The following DOT1L variants were observed in gnomAD, a reference collection of about 807,000 sequenced individuals.
DOT1L encodes the protein DOT1 like histone lysine methyltransferase, also known as histone-lysine N-methyltransferase, H3 lysine-79 specific.
In DOT1L, 33 loss-of-function variants were observed where a neutral mutation model predicts 153.3. That is an observed-to-expected ratio of 0.22 (90% confidence interval 0.16 to 0.29). The LOEUF is 0.29. Among genes scored for constraint, DOT1L ranks in the 10% least tolerant of loss-of-function variants. The probability of loss-of-function intolerance (pLI) is 1.00; values close to 1 mark genes in which losing one functional copy is unlikely to be tolerated. For missense variants in DOT1L, 1,847 were observed against 2,119.9 expected, an observed-to-expected ratio of 0.87 and a Z score of 2.53; for synonymous variants, 1,135 against 965.1, an observed-to-expected ratio of 1.18 and a Z score of -3.26.
In DOT1L at chr19:2,191,152, G is replaced by A. The variant is rs2022777165; in HGVS notation, c.405G>A (p.Val135=). The A allele has an allele frequency of 6.2e-7, 1 of 1,613,772 alleles. No individual in the cohort carries two copies. Among genetic ancestry groups the A allele is most frequent in the South Asian group, 1.1e-5 (1 of 91,068 alleles). ...LNNYEPFSPE[V]YGETSFDLVA... ...ACTACGAGCCCTTCTCCCCCGAGGTGTACGGGGAGACCTCCTTCGACCTGG... is the reference window on the plus strand; with the variant it reads ...ACTACGAGCCCTTCTCCCCCGAGGTATACGGGGAGACCTCCTTCGACCTGG... Residue 135 remains valine (V), a synonymous_variant, in exon 5 of 28, where the codon GTG becomes GTA. Coordinates refer to ENST00000398665, the MANE Select transcript of DOT1L (RefSeq NM_032482.3). This position sits in a 1 kb window ranked among gnomAD's most constrained non-coding sequence, Gnocchi z 6.8.
intron 1 of DOT1L, 79 bp downstream of exon 1, chr19:2,164,344 A>G: frequency 9.8e-7 from 1 of 1,019,930 alleles, no homozygotes; most frequent in Non-Finnish European, 1.3e-6. Context: ...AACCCCCCCA[A>G]GCCGCGCTCA....
chr19:2,230,786 C>T lies in DOT1L; in HGVS notation c.*994C>T, dbSNP rs1420830722. 4 of 390,814 alleles carry T rather than the reference C, an allele frequency of 1.0e-5. No homozygotes were observed. Among genetic ancestry groups the T allele is most frequent in the East Asian group, 7.2e-5 (2 of 27,722 alleles). 24.2% of individuals were successfully genotyped at this position (390,814 alleles called of 1,614,324 possible). A position where few individuals can be genotyped will look rare whatever the true frequency, so the allele number is the denominator to read the frequency against. On this transcript the variant is annotated 3_prime_UTR_variant, in exon 28 of 28. Transcript: ENST00000398665. The stretch of plus-strand genomic sequence containing the variant: ...TTATTCAAACAGTGCACAAAATGGC[C>T]CCAGCGTCAGCCCCGACCCTAGACC...
chr19:2,230,157 C>T lies in DOT1L; in HGVS notation c.*365C>T. On this transcript the variant is annotated 3_prime_UTR_variant, in exon 28 of 28. Transcript: ENST00000398665. ...GCCAGCGGATTCGCCACAGCCTGCC[C>T]CGGTGCTATCTCGTCCCCAGGCCCG... 2.0e-6 allele frequency: 1 copy of T among 507,146 alleles called. No individual in the cohort carries two copies. The highest frequency in any genetic ancestry group is 3.3e-5 in the East Asian group (1 of 30,376). The allele number at this position is 507,146 out of a possible 1,614,324, so 31.4% of individuals were successfully genotyped here. A position where few individuals can be genotyped will look rare whatever the true frequency, so the allele number is the denominator to read the frequency against.
chr19:2,192,787 GGCT>G (rs1473306597), intron 5 of DOT1L, among the ~76,000 whole-genome samples: 67 of 152,314 alleles, frequency 4.4e-4, no homozygotes, highest in African/African-American at 1.5e-3. Flanking sequence ...AAGAGGTTGA[GGCT>G]GCAGTGAGCC....
In DOT1L at chr19:2,210,486, G is replaced by C; in HGVS notation, c.1092G>C (p.Val364=). The change falls in exon 13 of 28, where the codon GTG becomes GTC. Residue 364 remains valine, a synonymous_variant. Transcript: ENST00000398665. ...ATPTKGPEGK[V]AGPADAPMDS... is the part of the protein sequence containing the mutation. ...CCACTAAGGGCCCAGAGGGCAAGGT[G>C]GCCGGCCCCGCCGACGCCCCCATGG... 6.3e-7 allele frequency: 1 copy of C among 1,593,036 alleles called. No homozygotes were observed. Among genetic ancestry groups the C allele is most frequent in the Non-Finnish European group, 8.5e-7 (1 of 1,171,466 alleles).
At chr19:2,205,102 C>G (rs1286537340) in intron 9 of DOT1L, among the ~76,000 whole-genome samples, 2 of 152,052 alleles carry the variant, frequency 1.3e-5, no homozygotes, top group Non-Finnish European at 2.9e-5. Context: ...TCCCGAGTAG[C>G]TGGGACTACA....
chr19:2,205,895 C>T (rs1022948875), intron 9 of DOT1L, among the ~76,000 whole-genome samples: 3 of 151,956 alleles, frequency 2.0e-5, no homozygotes, highest in African/African-American at 4.8e-5. Context: ...GATGGGGTCT[C>T]CCTGTGTCCC....
intron 15 of DOT1L, 71 bp from the exon 16 acceptor site, chr19:2,211,680 G>T (rs1185680223): frequency 5.1e-6 from 7 of 1,371,638 alleles, no homozygotes; most frequent in Non-Finnish European, 7.0e-6. Context: ...TCGTTCTCAA[G>T]GGCTGCTCCC....
In DOT1L at chr19:2,197,122, G is replaced by A. The variant is rs960599999; in HGVS notation, c.651+2545G>A. Among the ~76,000 whole-genome samples, 2 of 152,082 alleles carry A rather than the reference G, an allele frequency of 1.3e-5. No homozygotes were observed. Among genetic ancestry groups the A allele is most frequent in the South Asian group, 2.1e-4 (1 of 4,826 alleles). On this transcript the variant is annotated intron_variant, in intron 7 of 27. Coordinates refer to ENST00000398665, the MANE Select transcript of DOT1L (RefSeq NM_032482.3). The surrounding 1 kb of genome is among the most constrained non-coding windows in gnomAD (Gnocchi z 4.1). ...GCCGTGGCCTGCGGTGCTTCCTTGC[G>A]GCCACGCCTGTCTGGTTTGGTCTCT...
At chr19:2,192,672 CAAAAAAAA>C (rs71176526) in intron 5 of DOT1L, among the ~76,000 whole-genome samples, 1 of 95,112 alleles carries the variant, frequency 1.1e-5, no homozygotes. Context: ...GACTCCGTCT[CAAAAAAAA>C]AAAAAAAAAA....
chr19:2,186,062 C>G (rs1053855324), intron 3 of DOT1L, 133 bp downstream of exon 3: 2 of 837,930 alleles, frequency 2.4e-6, no homozygotes, highest in Admixed American at 4.4e-5. Flanking sequence ...TAGAGTTGGC[C>G]GTGGCCACCA....
In DOT1L at chr19:2,210,824, C is replaced by G. The variant is rs545805803; in HGVS notation, c.1320C>G (p.Thr440=). The change falls in exon 14 of 28, where the codon ACC becomes ACG. Residue 440 remains threonine, a synonymous_variant. Transcript: ENST00000398665. ...QTALDALHAQ[T]VSQTAASSPQ... ...CACTGGATGCCCTGCACGCTCAGAC[C>G]GTGTCTCAGACGGCGGCCTCCTCAC... 1 of 1,612,780 alleles carries G rather than the reference C, an allele frequency of 6.2e-7. No individual in the cohort carries two copies. Among genetic ancestry groups the G allele is most frequent in the Non-Finnish European group, 8.5e-7 (1 of 1,179,976 alleles).
intron 1 of DOT1L, among the ~76,000 whole-genome samples, chr19:2,166,302 A>T (rs1012160051): frequency 6.8e-6 from 1 of 146,912 alleles, no homozygotes; most frequent in Admixed American, 6.8e-5. Context: ...CTCCATGTTC[A>T]TCAGGCTGCT....
rs376911478 is a variant in DOT1L at position 2,197,964 on chromosome 19, A to G, written c.652-1920A>G. ...TGGCTTTGCCTGTGCTCCACTTGGG[A>G]GGCTCCAAGTCCTCCCGCCTGAGCA... is the stretch of plus-strand genomic sequence containing the variant. On this transcript the variant is annotated intron_variant, in intron 7 of 27. Coordinates refer to ENST00000398665, the MANE Select transcript of DOT1L (RefSeq NM_032482.3). The surrounding 1 kb of genome is among the most constrained non-coding windows in gnomAD (Gnocchi z 4.1). Among the ~76,000 whole-genome samples the G allele has an allele frequency of 2.6e-5, 4 of 152,250 alleles. No individual in the cohort carries two copies. In the South Asian group the frequency reaches 6.2e-4, roughly 24 times the overall value.
rs754748120 is a variant in DOT1L, at chr19:2,199,852, G to A, written c.652-32G>A. The A allele has an allele frequency of 1.9e-6, 3 of 1,609,364 alleles. No individual in the cohort carries two copies. In the South Asian group the frequency reaches 3.3e-5, roughly 18 times the overall value. The stretch of plus-strand genomic sequence containing the variant: ...GGGCTGGGAGTGCCAGGGAGGCCGG[G>A]GGTCCGCGCTCACACCTGTTTTCCC... On this transcript the variant is annotated intron_variant, in intron 7 of 27. Coordinates refer to ENST00000398665, the MANE Select transcript of DOT1L (RefSeq NM_032482.3).
In DOT1L at chr19:2,220,056, G is replaced by A. The variant is rs1173970401; in HGVS notation, c.2692-52G>A. 1.6e-5 allele frequency: 25 copies of A among 1,520,570 alleles called. No individual in the cohort carries two copies. Among genetic ancestry groups the A allele is most frequent in the Non-Finnish European group, 2.1e-5 (24 of 1,116,918 alleles). The allele number at this position is 1,520,570 out of a possible 1,614,324, so 94.2% of individuals were successfully genotyped here. A position where few individuals can be genotyped will look rare whatever the true frequency, so the allele number is the denominator to read the frequency against. ...CACTCACTGTTTCCAGCTGGGTTCT[G>A]GGTCTCCTGGGGCACCTGCTGCCCC... On this transcript the variant is annotated intron_variant, in intron 22 of 27. Coordinates refer to ENST00000398665, the MANE Select transcript of DOT1L (RefSeq NM_032482.3). This position sits in a 1 kb window ranked among gnomAD's most constrained non-coding sequence, Gnocchi z 4.5.
intron 27 of DOT1L, chr19:2,229,415 G>A (rs1399275807): frequency 1.0e-6 from 1 of 985,494 alleles, no homozygotes; most frequent in Admixed American, 6.1e-5. Context: ...AGGAGCCAAG[G>A]CGGAGGCTGT....
intron 6 of DOT1L, 120 bp from the exon 7 acceptor site, chr19:2,194,395 T>C: frequency 9.6e-7 from 1 of 1,040,056 alleles, no homozygotes; most frequent in South Asian, 1.4e-5. Context: ...ATGGTCGCAA[T>C]CTCCTGACCT....
At position 2,210,339 on chromosome 19, in the gene DOT1L, G is replaced by A. The variant is rs982521081; in HGVS notation, c.1006-61G>A. ...TGAGTCTGAGCTCCGCGTGCCTCTC[G>A]GTGCAGGAGGGCCGTGGGCAGCGCT... On this transcript the variant is annotated intron_variant, in intron 12 of 27. Transcript: ENST00000398665. 2.1e-5 allele frequency: 30 copies of A among 1,396,666 alleles called. 1 individual carries two copies. The highest frequency in any genetic ancestry group is 4.4e-5 in the African/African-American group (3 of 68,750). The allele number at this position is 1,396,666 out of a possible 1,614,324, so 86.5% of individuals were successfully genotyped here.
Sources: allele counts gnomAD v4.1 joint callset (sites outside exome capture counted in the v4.1 genomes callset), GRCh38; gene constraint gnomAD v4.1.1; non-coding constraint Gnocchi (gnomAD v3.1); transcripts MANE v1.5; gene names NCBI Gene and HGNC (gene_info 2026-07-23, HGNC 2026-07-21).